Variants in STAU2 observed in about 807,000 individuals in gnomAD.
STAU2 encodes the protein double-stranded RNA-binding protein Staufen homolog 2.
Under a neutral mutation model 65.9 loss-of-function variants are expected in STAU2, and 20 were observed. The ratio of observed to expected loss-of-function variants is 0.30; its 90% CI spans 0.21 to 0.44. STAU2 has a LOEUF of 0.44. Ranked by LOEUF, STAU2 falls within the 20% of genes least tolerant of loss-of-function variation. STAU2 has a pLI of 1.00. For missense variants in STAU2, 558 were observed against 683.9 expected, an observed-to-expected ratio of 0.82 and a Z score of 2.05; for synonymous variants, 232 against 233.9, an observed-to-expected ratio of 0.99 and a Z score of 0.07.
intron 13 of STAU2, among the ~76,000 whole-genome samples, chr8:73,445,678 C>A (rs879298016): frequency 6.6e-6 from 1 of 152,004 alleles, no homozygotes; most frequent in African/African-American, 2.4e-5. Flanking sequence ...ACAAACAATC[C>A]AATTAGAGAA....
At chr8:73,704,770 G>A (rs1469141792) in intron 4 of STAU2, among the ~76,000 whole-genome samples, 1 of 152,194 alleles carries the variant, frequency 6.6e-6, no homozygotes, top group East Asian at 1.9e-4. Flanking sequence ...CCAGGTTCAA[G>A]CAATTCTCCT....
intron 3 of STAU2, among the ~76,000 whole-genome samples, chr8:73,710,954 G>A (rs899381501): frequency 6.0e-5 from 9 of 151,112 alleles, no homozygotes; most frequent in Non-Finnish European, 8.9e-5. Flanking sequence ...ACTCTTAACA[G>A]GCCCAATAAT....
intron 1 of STAU2, among the ~76,000 whole-genome samples, chr8:73,741,493 T>C (rs1374037038): frequency 6.6e-6 from 1 of 151,850 alleles, no homozygotes; most frequent in Non-Finnish European, 1.5e-5. Flanking sequence ...TGGGGTACCT[T>C]TTTGAAAGTT....
chr8:73,610,184 A>G (rs2129800365), intron 9 of STAU2, among the ~76,000 whole-genome samples: 1 of 150,008 alleles, frequency 6.7e-6, no homozygotes, highest in East Asian at 2.1e-4. Flanking sequence ...GGGAGGTGGG[A>G]GGATCACTCG....
At chr8:73,541,118 A>G (rs1009832244) in intron 13 of STAU2, among the ~76,000 whole-genome samples, 3 of 152,350 alleles carry the variant, frequency 2.0e-5, no homozygotes, top group Admixed American at 1.3e-4. Context: ...CTTTTTGAAT[A>G]GAGTGCAGTC....
chr8:73,628,437 C>T (rs908151996), intron 6 of STAU2, among the ~76,000 whole-genome samples: 8 of 152,046 alleles, frequency 5.3e-5, no homozygotes, highest in African/African-American at 1.4e-4. Flanking sequence ...CAGAATCTTA[C>T]GTACTAAAAA....
At chr8:73,641,758 C>T (rs915297058) in intron 6 of STAU2, among the ~76,000 whole-genome samples, 1 of 152,046 alleles carries the variant, frequency 6.6e-6, no homozygotes, top group Non-Finnish European at 1.5e-5. Context: ...TATTAACATC[C>T]AAAAAAACCT....
At chr8:73,479,712 C>CGTGTGTGTGTGTGTGTGT (rs5892422) in intron 13 of STAU2, among the ~76,000 whole-genome samples, 1,994 of 143,830 alleles carry the variant, frequency 0.014, 26 homozygotes, top group South Asian at 0.026. Flanking sequence ...CTTAAATATA[C>CGTGTGTGTGTGTGTGTGT]GTGTGTGTGT....
intron 13 of STAU2, 42 bp from the exon 14 acceptor site, chr8:73,422,744 A>G (rs1816475814): frequency 1.6e-6 from 2 of 1,282,096 alleles, no homozygotes; most frequent in African/African-American, 3.1e-5. Context: ...CACTGACTCT[A>G]GTGTAATGAA....
In STAU2 at chr8:73,732,618, A is replaced by G. The variant is rs919410055; in HGVS notation, c.-18+5666T>C. ...TTCTATGGCTACAAGAGACATGAGC[A>G]GATTACAGAGCTCCACACCCAGTCT... On this transcript the variant is annotated intron_variant, in intron 3 of 14. Coordinates refer to ENST00000524300, the MANE Select transcript of STAU2 (RefSeq NM_001164380.2). 4.6e-5 allele frequency: 7 copies of G among 152,218 alleles called. No individual in the cohort carries two copies. In the East Asian group the frequency reaches 1.3e-3, roughly 29 times the overall value. The allele number at this position is 152,218 out of a possible 1,614,324, so 9.4% of individuals were successfully genotyped here.
chr8:73,620,976 T>C (rs1369876416), intron 6 of STAU2, among the ~76,000 whole-genome samples: 1 of 152,162 alleles, frequency 6.6e-6, no homozygotes, highest in Non-Finnish European at 1.5e-5. Context: ...GGTCTCAAAA[T>C]ACTTACTTCC....
intron 13 of STAU2, among the ~76,000 whole-genome samples, chr8:73,430,495 A>G (rs1397202195): frequency 6.6e-6 from 1 of 152,216 alleles, no homozygotes; most frequent in East Asian, 1.9e-4. Flanking sequence ...TACAGATTAA[A>G]GAACGCTATG....
At chr8:73,636,295 T>C (rs762517877) in intron 6 of STAU2, among the ~76,000 whole-genome samples, 10 of 151,990 alleles carry the variant, frequency 6.6e-5, no homozygotes, top group Admixed American at 1.3e-4. Flanking sequence ...GGGGATCACC[T>C]GAGCCTGGGA....
intron 6 of STAU2, among the ~76,000 whole-genome samples, chr8:73,622,015 G>C (rs1813283148): frequency 6.7e-6 from 1 of 149,050 alleles, no homozygotes; most frequent in East Asian, 2.0e-4. Flanking sequence ...AGAGTGCAGT[G>C]GCTAGATCTC....
intron 12 of STAU2, among the ~76,000 whole-genome samples, chr8:73,571,919 G>C (rs996758480): frequency 6.6e-6 from 1 of 152,132 alleles, no homozygotes; most frequent in African/African-American, 2.4e-5. Flanking sequence ...AAGGGAGATA[G>C]AGACACAAAA....
At chr8:73,658,882 C>T (rs1196170266) in intron 6 of STAU2, among the ~76,000 whole-genome samples, 16 of 151,306 alleles carry the variant, frequency 1.1e-4, no homozygotes, top group Admixed American at 1.1e-3. Flanking sequence ...CACTGTACTC[C>T]AGCCTGGGCG....
At chr8:73,603,365 T>C (rs1198253775) in intron 10 of STAU2, among the ~76,000 whole-genome samples, 1 of 152,226 alleles carries the variant, frequency 6.6e-6, no homozygotes, top group Non-Finnish European at 1.5e-5. Flanking sequence ...ATCCATCTAC[T>C]ACATCCATCC....
At chr8:73,522,291 T>C (rs992311428) in intron 13 of STAU2, among the ~76,000 whole-genome samples, 8 of 152,092 alleles carry the variant, frequency 5.3e-5, no homozygotes, top group African/African-American at 1.4e-4. Flanking sequence ...AGGAAACATA[T>C]AGAAAGGGTG....
At chr8:73,564,057 G>A (rs1191430249) in intron 12 of STAU2, among the ~76,000 whole-genome samples, 1 of 152,134 alleles carries the variant, frequency 6.6e-6, no homozygotes, top group Non-Finnish European at 1.5e-5. Flanking sequence ...AGTCAGCATA[G>A]CTTAGTGCCA....
Sources: allele counts gnomAD v4.1 joint callset (sites outside exome capture counted in the v4.1 genomes callset), GRCh38; gene constraint gnomAD v4.1.1; transcripts MANE v1.5; gene names NCBI Gene and HGNC (gene_info 2026-07-23, HGNC 2026-07-21).